SNTG1: variants seen among roughly 807,000 people sequenced by gnomAD.
The protein encoded by SNTG1 is gamma-1-syntrophin.
SNTG1 carries 39 observed loss-of-function variants against 74.7 expected under a neutral mutation model. That is an observed-to-expected ratio of 0.52 (90% CI 0.40 to 0.68). The LOEUF (loss-of-function observed/expected upper bound fraction) is 0.68. Ranked by LOEUF, SNTG1 falls within the 30% of genes least tolerant of loss-of-function variation. SNTG1 has a pLI of 0.00. For missense variants in SNTG1, 685 were observed against 609.5 expected, an observed-to-expected ratio of 1.12 and a Z score of -1.30; for synonymous variants, 254 against 217.1, an observed-to-expected ratio of 1.17 and a Z score of -1.49.
At chr8:49,995,007 AT>A (rs1814071995) in intron 1 of SNTG1, among the ~76,000 whole-genome samples, 2 of 58,130 alleles carry the variant, frequency 3.4e-5, no homozygotes, top group African/African-American at 1.1e-4. Context: ...TTAAATAAGA[AT>A]GTTGAGTCCA....
chr8:49,964,278 T>C (rs915270977), intron 1 of SNTG1, among the ~76,000 whole-genome samples: 2 of 151,954 alleles, frequency 1.3e-5, no homozygotes, highest in African/African-American at 4.8e-5. Context: ...GAGGAGGGAG[T>C]CTTGCCACAT....
intron 1 of SNTG1, among the ~76,000 whole-genome samples, chr8:50,138,783 T>C (rs527974065): frequency 6.6e-6 from 1 of 152,012 alleles, no homozygotes; most frequent in South Asian, 2.1e-4. Flanking sequence ...GTTATCTATT[T>C]TAAACAGAAA....
chr8:50,515,464 C>T (rs1348904682), intron 9 of SNTG1, among the ~76,000 whole-genome samples: 1 of 144,746 alleles, frequency 6.9e-6, no homozygotes, highest in Non-Finnish European at 1.5e-5. Flanking sequence ...CCATTCACTC[C>T]CCTGGAAAGG....
At chr8:50,436,098 TG>T (rs1443930969) in intron 4 of SNTG1, among the ~76,000 whole-genome samples, 2 of 152,198 alleles carry the variant, frequency 1.3e-5, no homozygotes, top group Non-Finnish European at 2.9e-5. Flanking sequence ...ATTTAGGGGA[TG>T]GCATTTGCTG....
At chr8:49,954,484 A>C (rs953965861) in intron 1 of SNTG1, among the ~76,000 whole-genome samples, 11 of 152,190 alleles carry the variant, frequency 7.2e-5, no homozygotes, top group African/African-American at 2.7e-4. Context: ...ATTCTGTGGC[A>C]ATTTTTCACC....
At chr8:50,136,409 C>A (rs1188155763) in intron 1 of SNTG1, among the ~76,000 whole-genome samples, 5 of 152,146 alleles carry the variant, frequency 3.3e-5, no homozygotes, top group Non-Finnish European at 5.9e-5. Context: ...TCAGCCACAC[C>A]AGCATCTGTT....
At chr8:50,694,986 C>G (rs1188573055) in intron 15 of SNTG1, among the ~76,000 whole-genome samples, 2 of 151,404 alleles carry the variant, frequency 1.3e-5, no homozygotes, top group Non-Finnish European at 3.0e-5. Context: ...TTATTCTCAA[C>G]AAGGAAAAGT....
At chr8:49,922,328 T>C (rs1806624777) in intron 1 of SNTG1, among the ~76,000 whole-genome samples, 1 of 152,126 alleles carries the variant, frequency 6.6e-6, no homozygotes, top group South Asian at 2.1e-4. Flanking sequence ...GGAGGCCAAT[T>C]AAGTTTTCTA....
At position 50,298,457 on chromosome 8, in the gene SNTG1, T is replaced by C. The variant is rs2089492665; in HGVS notation, c.-27-95755T>C. On this transcript the variant is annotated intron_variant, in intron 2 of 18. Coordinates refer to ENST00000642720, the MANE Select transcript of SNTG1 (RefSeq NM_018967.5). ...TTGTAAGCAGAGAAAACTCATTTTC[T>C]TCACCCCCTGCCCATGCAATGTACA... Among the ~76,000 whole-genome samples the C allele has an allele frequency of 2.0e-5, 3 of 152,108 alleles. No individual in the cohort carries two copies. The South Asian group carries it at 6.2e-4, about 31-fold the overall frequency.
chr8:50,681,991 A>G (rs942621097), intron 15 of SNTG1, among the ~76,000 whole-genome samples: 24 of 152,312 alleles, frequency 1.6e-4, no homozygotes, highest in Middle Eastern at 6.8e-3. Flanking sequence ...ATCATGACCC[A>G]TATCTGACAC....
intron 1 of SNTG1, among the ~76,000 whole-genome samples, chr8:50,172,206 TA>T (rs1366634474): frequency 1.3e-5 from 2 of 152,214 alleles, no homozygotes; most frequent in African/African-American, 4.8e-5. Context: ...ATATTATCAC[TA>T]ATTTAAACTT....
chr8:50,146,601 T>A (rs1335650361), intron 1 of SNTG1, among the ~76,000 whole-genome samples: 1 of 152,128 alleles, frequency 6.6e-6, no homozygotes, highest in Non-Finnish European at 1.5e-5. Context: ...AAGGCAGGCT[T>A]ACTTATCTAA....
At chr8:50,659,732 T>A (rs1422578613) in intron 15 of SNTG1, among the ~76,000 whole-genome samples, 2 of 152,200 alleles carry the variant, frequency 1.3e-5, no homozygotes, top group Non-Finnish European at 2.9e-5. Context: ...GAGTGTATTG[T>A]TAGTAAAGAA....
At chr8:50,242,402 CCTGTAATCCCAGCTA>C (rs561128071) in intron 2 of SNTG1, among the ~76,000 whole-genome samples, 131 of 151,796 alleles carry the variant, frequency 8.6e-4, no homozygotes, top group Non-Finnish European at 1.0e-3. Context: ...GTGGTGTGTG[CCTGTAATCCCAGCTA>C]CTTAGGAGGC....
chr8:50,008,711 G>A (rs185437774), intron 1 of SNTG1, among the ~76,000 whole-genome samples: 4 of 152,158 alleles, frequency 2.6e-5, no homozygotes, highest in Admixed American at 1.3e-4. Context: ...CCTTCCTACA[G>A]CTTGTCTCAG....
At chr8:50,191,203 G>C (rs2083561328) in intron 2 of SNTG1, among the ~76,000 whole-genome samples, 2 of 151,970 alleles carry the variant, frequency 1.3e-5, no homozygotes, top group African/African-American at 4.8e-5. Flanking sequence ...GGTGTTTCTG[G>C]GATAAAATCC....
intron 8 of SNTG1, among the ~76,000 whole-genome samples, chr8:50,475,146 G>A (rs1180299940): frequency 2.0e-5 from 3 of 151,552 alleles, no homozygotes; most frequent in Admixed American, 2.0e-4. Flanking sequence ...GTTAATGGGT[G>A]CAGCACACCG....
At chr8:50,469,211 A>C (rs1484779005) in intron 8 of SNTG1, among the ~76,000 whole-genome samples, 1 of 152,130 alleles carries the variant, frequency 6.6e-6, no homozygotes, top group African/African-American at 2.4e-5. Context: ...TGCCGGATTA[A>C]GTGTTTATTC....
chr8:50,330,849 C>T (rs2090936183), intron 2 of SNTG1, among the ~76,000 whole-genome samples: 1 of 152,124 alleles, frequency 6.6e-6, no homozygotes, highest in Non-Finnish European at 1.5e-5. Flanking sequence ...AGAACTCACT[C>T]ACTATCACAA....
Sources: allele counts gnomAD v4.1 joint callset (sites outside exome capture counted in the v4.1 genomes callset), GRCh38; gene constraint gnomAD v4.1.1; transcripts MANE v1.5; gene names NCBI Gene and HGNC (gene_info 2026-07-23, HGNC 2026-07-21).